Variants in PCDH9 observed in about 807,000 individuals in gnomAD.
The protein encoded by PCDH9 is protocadherin-9.
Under a neutral mutation model 70.6 loss-of-function variants are expected in PCDH9, and 24 were observed. The ratio of observed to expected loss-of-function variants is 0.34; its 90% confidence interval spans 0.25 to 0.48. PCDH9 has a LOEUF of 0.48. Ranked by LOEUF, PCDH9 falls within the 20% of genes least tolerant of loss-of-function variation. The pLI is 0.99. For missense variants in PCDH9, 1,281 were observed against 1,503.6 expected (o/e 0.85, Z 2.45); for synonymous variants, 562 against 558.5 (o/e 1.01, Z -0.09).
chr13:67,123,370 G>T (rs900755058), intron 2 of PCDH9, among the ~76,000 whole-genome samples: 1 of 152,118 alleles, frequency 6.6e-6, no homozygotes, highest in African/African-American at 2.4e-5. Flanking sequence ...TCAAGACTTG[G>T]CTGTGCTCCA....
At chr13:66,561,232 T>A (rs1200032535) in intron 4 of PCDH9, among the ~76,000 whole-genome samples, 1 of 152,144 alleles carries the variant, frequency 6.6e-6, no homozygotes, top group Non-Finnish European at 1.5e-5. Flanking sequence ...GCTCAATTTC[T>A]CACCGGGCCT....
At chr13:66,489,904 A>G (rs927267053) in intron 4 of PCDH9, among the ~76,000 whole-genome samples, 1 of 152,222 alleles carries the variant, frequency 6.6e-6, no homozygotes, top group African/African-American at 2.4e-5. Context: ...CTTCTATTGC[A>G]GAACTCTTAG....
chr13:66,539,265 T>G lies in PCDH9; in HGVS notation c.3340+91945A>C, dbSNP rs758934279. Among the ~76,000 whole-genome samples the G allele has an allele frequency of 2.6e-5, 4 of 152,082 alleles. 1 individual carries two copies. The highest frequency in any genetic ancestry group is 1.3e-4 in the Admixed American group (2 of 15,244). ...CTACTGGAACTACCTTCATTGAAGT[T>G]ACCATTTACATCTTGATATGGTTTG... On this transcript the variant is annotated intron_variant, in intron 4 of 4. Coordinates refer to ENST00000377865, the MANE Select transcript of PCDH9 (RefSeq NM_203487.3).
At chr13:66,879,804 T>C (rs1297956036) in intron 3 of PCDH9, among the ~76,000 whole-genome samples, 1 of 152,142 alleles carries the variant, frequency 6.6e-6, no homozygotes, top group Non-Finnish European at 1.5e-5. Flanking sequence ...TGAAAAATCA[T>C]TGCAATTAAA....
chr13:66,860,404 G>A (rs1031028318), intron 3 of PCDH9, among the ~76,000 whole-genome samples: 2 of 152,170 alleles, frequency 1.3e-5, no homozygotes, highest in Non-Finnish European at 2.9e-5. Context: ...GGTGAACATA[G>A]CTAACACCAG....
chr13:66,905,187 G>GA (rs151091942), intron 2 of PCDH9, among the ~76,000 whole-genome samples: 4,826 of 146,436 alleles, frequency 0.033, 241 homozygotes, highest in African/African-American at 0.11. Flanking sequence ...TGGCATTCAA[G>GA]AAAAAAAAAA....
intron 3 of PCDH9, among the ~76,000 whole-genome samples, chr13:66,644,646 G>A (rs185662033): frequency 3.7e-4 from 56 of 151,832 alleles, no homozygotes; most frequent in African/African-American, 1.3e-3. Context: ...CTCTGAATGG[G>A]CCATTTTACA....
chr13:66,397,294 C>T (rs1354782204), intron 4 of PCDH9, among the ~76,000 whole-genome samples: 1 of 151,918 alleles, frequency 6.6e-6, no homozygotes, highest in African/African-American at 2.4e-5. Context: ...TGGCTTGCAC[C>T]TGTTGTCTCA....
At chr13:66,583,860 C>A (rs2076928232) in intron 4 of PCDH9, among the ~76,000 whole-genome samples, 1 of 152,062 alleles carries the variant, frequency 6.6e-6, no homozygotes, top group South Asian at 2.1e-4. Flanking sequence ...TGGTGGCCAA[C>A]AGAAATACTA....
rs751667422 is a variant in PCDH9 at position 67,228,188 on chromosome 13, T to G, written c.253A>C (p.Ile85Leu). Residue 85 changes from isoleucine to leucine, a missense_variant, in exon 2 of 5, where the codon ATT (isoleucine) becomes CTT (leucine). Physicochemically the swap from Ile to Leu is conservative, Grantham distance 5 (BLOSUM62 2). Coordinates refer to ENST00000377865, the MANE Select transcript of PCDH9 (RefSeq NM_203487.3). Reference sequence around the variant, plus strand: ...TCTATTCTGTTGGAGGTTGTGAAAATTTCCCCAGTGCTGCTGGAAACTTTC... The same window carrying G: ...TCTATTCTGTTGGAGGTTGTGAAAAGTTCCCCAGTGCTGCTGGAAACTTTC... ...LVKVSSSTGE[I>L]FTTSNRIDRE... 2.5e-6 allele frequency: 4 copies of G among 1,613,222 alleles called. No individual in the cohort carries two copies. The highest frequency in any genetic ancestry group is 3.4e-6 in the Non-Finnish European group (4 of 1,179,768).
chr13:66,376,882 TG>T (rs1291228054), intron 4 of PCDH9, among the ~76,000 whole-genome samples: 1 of 152,214 alleles, frequency 6.6e-6, no homozygotes, highest in Non-Finnish European at 1.5e-5. Context: ...AAATGTTTTT[TG>T]TTATTCCTGC....
At chr13:67,228,994 A>G (rs2089949673) in intron 1 of PCDH9, among the ~76,000 whole-genome samples, 1 of 152,172 alleles carries the variant, frequency 6.6e-6, no homozygotes, top group African/African-American at 2.4e-5. Context: ...CACATGTCAA[A>G]TGTGTTTTCT....
At chr13:67,053,741 C>T (rs1163030875) in intron 2 of PCDH9, among the ~76,000 whole-genome samples, 2 of 152,134 alleles carry the variant, frequency 1.3e-5, no homozygotes, top group Non-Finnish European at 2.9e-5. Flanking sequence ...ATGAACAATA[C>T]AGATGACACA....
At position 66,413,760 on chromosome 13, in the gene PCDH9, A is replaced by G. The variant is rs916381856; in HGVS notation, c.3341-108732T>C. 1.4e-4 allele frequency among the ~76,000 whole-genome samples: 21 copies of G among 152,110 alleles called. 1 individual carries two copies. In the East Asian group the frequency reaches 3.3e-3, roughly 24 times the overall value. On this transcript the variant is annotated intron_variant, in intron 4 of 4. Coordinates refer to ENST00000377865, the MANE Select transcript of PCDH9 (RefSeq NM_203487.3). ...CAAACTTTTTACTATTTTTTGTTTG[A>G]AAATATATGTTTGGATTGAGCTATA...
intron 3 of PCDH9, among the ~76,000 whole-genome samples, chr13:66,759,450 G>T (rs1023957115): frequency 4.6e-5 from 7 of 151,956 alleles, no homozygotes; most frequent in African/African-American, 1.7e-4. Context: ...GCCACTCTTT[G>T]TTTTGATTAA....
At chr13:67,222,164 T>G (rs2089740796) in intron 2 of PCDH9, 1 of 152,018 alleles carries the variant, frequency 6.6e-6, no homozygotes, top group Non-Finnish European at 1.5e-5. Flanking sequence ...TACCAATGAA[T>G]TTTATCATTT....
intron 4 of PCDH9, among the ~76,000 whole-genome samples, chr13:66,487,344 A>G (rs1230142025): frequency 1.3e-5 from 2 of 152,190 alleles, no homozygotes; most frequent in Non-Finnish European, 2.9e-5. Context: ...GTCTGTACAC[A>G]TGTTATCTAG....
At chr13:66,511,032 C>T (rs1959445501) in intron 4 of PCDH9, among the ~76,000 whole-genome samples, 1 of 152,108 alleles carries the variant, frequency 6.6e-6, no homozygotes, top group Admixed American at 6.6e-5. Context: ...ACTACTCTTT[C>T]CACAAATACA....
chr13:67,022,229 T>A (rs2084691812), intron 2 of PCDH9, among the ~76,000 whole-genome samples: 1 of 142,904 alleles, frequency 7.0e-6, no homozygotes, highest in South Asian at 2.4e-4. Flanking sequence ...CTCAAGTGGT[T>A]CTCCTCACTC....
Sources: gnomAD v4.1 joint callset for allele counts (sites outside exome capture counted in the v4.1 genomes callset) on GRCh38, gnomAD v4.1.1 for gene constraint, MANE v1.5 for transcripts, NCBI Gene and HGNC (gene_info 2026-07-23, HGNC 2026-07-21) for gene names.